CNTN3: variants seen among roughly 807,000 people sequenced by gnomAD.
CNTN3 encodes the protein contactin-3.
CNTN3 carries 60 observed loss-of-function variants against 119.1 expected under a neutral mutation model. That is an observed-to-expected ratio of 0.50 (90% CI 0.41 to 0.62). The LOEUF (loss-of-function observed/expected upper bound fraction) is 0.62, where lower values mean the gene tolerates loss of function less well. Among genes scored for constraint, CNTN3 ranks in the 20% least tolerant of loss-of-function variants. CNTN3 has a pLI of 0.00. For missense variants in CNTN3, 1,101 were observed against 1,242.4 expected (o/e 0.89, Z 1.71); for synonymous variants, 450 against 438.7 (o/e 1.03, Z -0.32).
chr3:74,527,077 T>C (rs938148563), intron 1 of CNTN3, among the ~76,000 whole-genome samples: 1 of 151,932 alleles, frequency 6.6e-6, no homozygotes. Flanking sequence ...TATATGTGTA[T>C]ACCTATATAG....
chr3:74,427,667 C>G (rs1407627985), intron 4 of CNTN3, among the ~76,000 whole-genome samples: 1 of 152,114 alleles, frequency 6.6e-6, no homozygotes, highest in South Asian at 2.1e-4. Flanking sequence ...AGACCGAGTG[C>G]TTTCCCCCTC....
chr3:74,358,175 C>A (rs1703984506), intron 11 of CNTN3, among the ~76,000 whole-genome samples: 1 of 152,178 alleles, frequency 6.6e-6, no homozygotes, highest in African/African-American at 2.4e-5. Context: ...AAACAAAATT[C>A]AAACCACAGA....
intron 1 of CNTN3, among the ~76,000 whole-genome samples, chr3:74,572,921 G>A (rs1392090818): frequency 6.6e-6 from 1 of 152,174 alleles, no homozygotes; most frequent in East Asian, 1.9e-4. Context: ...TGTTCATGGA[G>A]GTATACATGG....
chr3:74,600,091 G>C (rs1352717112), intron 1 of CNTN3, among the ~76,000 whole-genome samples: 1 of 152,018 alleles, frequency 6.6e-6, no homozygotes, highest in Non-Finnish European at 1.5e-5. Flanking sequence ...AGAAAAAAGA[G>C]AAGGAAAAAT....
intron 11 of CNTN3, among the ~76,000 whole-genome samples, chr3:74,342,653 AT>A (rs1179541745): frequency 6.6e-6 from 1 of 152,224 alleles, no homozygotes; most frequent in Non-Finnish European, 1.5e-5. Context: ...ATAAAGGAAC[AT>A]TTTCACTTCT....
chr3:74,266,184 A>G (rs1463571650), intron 22 of CNTN3, among the ~76,000 whole-genome samples: 1 of 152,160 alleles, frequency 6.6e-6, no homozygotes, highest in Non-Finnish European at 1.5e-5. Flanking sequence ...TTCTGCTTTT[A>G]TAGGAGATCC....
At chr3:74,384,825 G>C (rs1239869062) in intron 5 of CNTN3, among the ~76,000 whole-genome samples, 1 of 152,098 alleles carries the variant, frequency 6.6e-6, no homozygotes, top group Non-Finnish European at 1.5e-5. Flanking sequence ...TGCTGTATAG[G>C]GCTCTGGGAA....
At chr3:74,384,821 A>G (rs1324791328) in intron 5 of CNTN3, among the ~76,000 whole-genome samples, 1 of 152,168 alleles carries the variant, frequency 6.6e-6, no homozygotes, top group Non-Finnish European at 1.5e-5. Flanking sequence ...CATATGCTGT[A>G]TAGGGCTCTG....
chr3:74,368,810 T>A (rs1330032652), intron 8 of CNTN3, among the ~76,000 whole-genome samples: 1 of 151,934 alleles, frequency 6.6e-6, no homozygotes, highest in African/African-American at 2.4e-5. Context: ...GCAGTTTTTT[T>A]TTTTTCTCTT....
chr3:74,535,746 G>T (rs1575814378), intron 1 of CNTN3, among the ~76,000 whole-genome samples: 2 of 152,156 alleles, frequency 1.3e-5, no homozygotes, highest in African/African-American at 2.4e-5. Context: ...AGATCTTTCA[G>T]TTTTTATTTT....
At chr3:74,592,847 C>T (rs968413455) in intron 1 of CNTN3, among the ~76,000 whole-genome samples, 1 of 151,706 alleles carries the variant, frequency 6.6e-6, no homozygotes, top group African/African-American at 2.4e-5. Flanking sequence ...GTGTAAACTC[C>T]CCAAAAAGAG....
intron 2 of CNTN3, among the ~76,000 whole-genome samples, chr3:74,514,407 A>T (rs2107110420): frequency 6.6e-6 from 1 of 152,268 alleles, no homozygotes; most frequent in East Asian, 1.9e-4. Flanking sequence ...ATGTTTTTGT[A>T]GCCATTATTA....
intron 3 of CNTN3, among the ~76,000 whole-genome samples, chr3:74,493,782 A>C (rs1703009383): frequency 6.6e-6 from 1 of 152,222 alleles, no homozygotes; most frequent in South Asian, 2.1e-4. Flanking sequence ...GAATTTGCAT[A>C]TTCAATACTT....
At position 74,301,512 on chromosome 3, in the gene CNTN3, T is replaced by C. The variant is rs753019161; in HGVS notation, c.1981A>G (p.Thr661Ala). 1.2e-6 allele frequency: 2 copies of C among 1,614,112 alleles called. No individual in the cohort carries two copies. Among genetic ancestry groups the C allele is most frequent in the Admixed American group, 3.3e-5 (2 of 59,998 alleles). ...ACCCATGGGTTTAACTCAACTACAG[T>C]GGCTGTGTGCGTCTTCCCATCGATG... Reference protein sequence around the residue: ...EVIDGKTHTATVVELNPWVEY... With the variant: ...EVIDGKTHTAAVVELNPWVEY... Residue 661 changes from threonine (T) to alanine (A), a missense_variant, in exon 16 of 23, where the codon ACT becomes GCT. Physicochemically the swap from Thr to Ala is moderately conservative, Grantham distance 58. Transcript: ENST00000263665.
intron 3 of CNTN3, among the ~76,000 whole-genome samples, chr3:74,491,612 T>G (rs1702965871): frequency 6.6e-6 from 1 of 152,242 alleles, no homozygotes; most frequent in Non-Finnish European, 1.5e-5. Context: ...AGACTCATTT[T>G]CTTTGCAGGA....
intron 5 of CNTN3, among the ~76,000 whole-genome samples, chr3:74,413,280 T>C (rs1701467998): frequency 6.6e-6 from 1 of 152,196 alleles, no homozygotes; most frequent in Admixed American, 6.5e-5. Flanking sequence ...AGGAAATCAA[T>C]CTTTATTCTT....
At chr3:74,426,846 A>G (rs1324670336) in intron 4 of CNTN3, among the ~76,000 whole-genome samples, 9 of 152,240 alleles carry the variant, frequency 5.9e-5, no homozygotes, top group Non-Finnish European at 1.0e-4. Context: ...TCATATCAGA[A>G]TGTAGCTTAT....
At chr3:74,585,323 G>C (rs1275332726) in intron 1 of CNTN3, among the ~76,000 whole-genome samples, 1 of 152,088 alleles carries the variant, frequency 6.6e-6, no homozygotes, top group Admixed American at 6.6e-5. Context: ...CAAAATTGAA[G>C]TATGTAATTC....
intron 20 of CNTN3, among the ~76,000 whole-genome samples, chr3:74,275,224 T>C (rs1177305911): frequency 1.3e-5 from 2 of 152,132 alleles, no homozygotes; most frequent in Non-Finnish European, 2.9e-5. Context: ...GAAAACATAT[T>C]TGGGGGAATA....
Sources: gnomAD v4.1 joint callset for allele counts (sites outside exome capture counted in the v4.1 genomes callset) on GRCh38, gnomAD v4.1.1 for gene constraint, MANE v1.5 for transcripts, NCBI Gene and HGNC (gene_info 2026-07-23, HGNC 2026-07-21) for gene names.